ZNF366: variants seen among roughly 807,000 people sequenced by gnomAD.
The protein encoded by ZNF366 is dendritic cell-specific transcript protein.
Under a neutral mutation model 47.2 loss-of-function variants are expected in ZNF366, and 20 were observed. That is an observed-to-expected ratio of 0.42 (90% CI 0.30 to 0.62). The LOEUF is 0.62. Among genes scored for constraint, ZNF366 ranks in the 20% least tolerant of loss-of-function variants. The pLI, the probability that ZNF366 is intolerant of heterozygous loss-of-function variation, is 0.16. For synonymous variants in ZNF366, 421 were observed against 395.1 expected, an observed-to-expected ratio of 1.07 and a Z score of -0.78; for missense variants, 987 against 976.3, an observed-to-expected ratio of 1.01 and a Z score of -0.15.
chr5:72,444,140 G>T lies in ZNF366; in HGVS notation c.1851C>A (p.His617Gln), dbSNP rs753670386. 1 of 1,613,738 alleles carries T rather than the reference G, an allele frequency of 6.2e-7. No individual in the cohort carries two copies. The highest frequency in any genetic ancestry group is 8.5e-7 in the Non-Finnish European group (1 of 1,180,032). Reference sequence around the variant, plus strand: ...AGCAGTTATCCTCCTCTTCCTCCTCGTGGCAGTGGCTGCCCTGGGCACTCT... The same window carrying T: ...AGCAGTTATCCTCCTCTTCCTCCTCTTGGCAGTGGCTGCCCTGGGCACTCT... ...DGESAQGSHC[H>Q]EEEEEDNCYE... is the part of the protein sequence containing the mutation. The change falls in exon 5 of 5, where the codon CAC becomes CAA. Residue 617 changes from histidine to glutamine, a missense_variant. By Grantham distance (24) the His-to-Gln change is conservative (BLOSUM62 0). Transcript: ENST00000318442.
chr5:72,450,673 C>T (rs1743048714), intron 3 of ZNF366, among the ~76,000 whole-genome samples: 2 of 152,214 alleles, frequency 1.3e-5, no homozygotes, highest in African/African-American at 2.4e-5. Context: ...GGGCTCCATT[C>T]ACACCTGGGC....
At chr5:72,452,365 G>T (rs1031228023) in intron 3 of ZNF366, among the ~76,000 whole-genome samples, 7 of 152,196 alleles carry the variant, frequency 4.6e-5, no homozygotes, top group African/African-American at 1.7e-4. Context: ...ATTTGCAGGC[G>T]GTCCCCTGGG....
intron 2 of ZNF366, among the ~76,000 whole-genome samples, chr5:72,457,965 T>C (rs1252898271): frequency 1.3e-5 from 2 of 151,848 alleles, no homozygotes; most frequent in African/African-American, 4.8e-5. Flanking sequence ...ATAAAATTAA[T>C]GAAAAACATT....
intron 1 of ZNF366, among the ~76,000 whole-genome samples, chr5:72,483,085 G>C (rs1006668175): frequency 6.6e-6 from 1 of 152,134 alleles, no homozygotes; most frequent in African/African-American, 2.4e-5. Flanking sequence ...GTAAAAATGA[G>C]TGCCTGCTGT....
chr5:72,484,490 A>AAT (rs1489090254), intron 1 of ZNF366, among the ~76,000 whole-genome samples: 1 of 149,946 alleles, frequency 6.7e-6, no homozygotes, highest in Non-Finnish European at 1.5e-5. Context: ...TCTCAAAAAA[A>AAT]AAAAAAATAA....
chr5:72,452,180 C>T (rs553464334), intron 3 of ZNF366, among the ~76,000 whole-genome samples: 2 of 152,306 alleles, frequency 1.3e-5, no homozygotes, highest in East Asian at 1.9e-4. Context: ...GAATGGCCTC[C>T]GTGAAACTGC....
chr5:72,473,635 G>A (rs1314283496), intron 1 of ZNF366, among the ~76,000 whole-genome samples: 1 of 152,102 alleles, frequency 6.6e-6, no homozygotes, highest in Admixed American at 6.6e-5. Context: ...ATTCTTCCCG[G>A]CTGAACTTAA....
intron 1 of ZNF366, among the ~76,000 whole-genome samples, chr5:72,505,153 C>T (rs1744295348): frequency 1.3e-5 from 2 of 152,204 alleles, no homozygotes; most frequent in Admixed American, 1.3e-4. Context: ...TCACTTCAAA[C>T]TGGAATTCCC....
Position 72,507,345 on chromosome 5 carries a change from T to C in ZNF366, c.-109A>G. ...TCCCTCTCTCTCTCCCTCTTTCTCT[T>C]GTGTACAGATTGCAGGGAACTTAAA... On this transcript the variant is annotated 5_prime_UTR_variant, in exon 1 of 5. Transcript: ENST00000318442. The C allele has an allele frequency of 1.0e-6, 1 of 985,480 alleles. No homozygotes were observed. The highest frequency in any genetic ancestry group is 1.2e-6 in the Non-Finnish European group (1 of 830,024). 61.0% of individuals were successfully genotyped at this position (985,480 alleles called of 1,614,324 possible). A position where few individuals can be genotyped will look rare whatever the true frequency, so the allele number is the denominator to read the frequency against.
At chr5:72,451,584 T>C (rs370298557) in intron 3 of ZNF366, among the ~76,000 whole-genome samples, 8 of 152,344 alleles carry the variant, frequency 5.3e-5, no homozygotes, top group African/African-American at 1.7e-4. Flanking sequence ...ATTAGCTCTT[T>C]TTACTATCAT....
chr5:72,456,334 G>C (rs1305042512), intron 3 of ZNF366, 70 bp downstream of exon 3: 2 of 1,512,154 alleles, frequency 1.3e-6, no homozygotes, highest in African/African-American at 1.4e-5. Flanking sequence ...AGAGTAGAAG[G>C]CTCCCTGGGG....
Position 72,444,228 on chromosome 5 carries a change from T to C in ZNF366, c.1763A>G (p.Glu588Gly). Residue 588 changes from glutamate (E) to glycine (G), a missense_variant, in exon 5 of 5, where the codon GAG becomes GGG. By Grantham distance (98) the Glu-to-Gly change is moderately conservative. This residue lies in a region of ZNF366 where 285 missense variants were observed against 234.8 expected (regional missense o/e 1.21). Coordinates refer to ENST00000318442, the MANE Select transcript of ZNF366 (RefSeq NM_152625.3). ...TAGVLRSLEQ[E>G]EPFDLSQKRR... Reference sequence around the variant, plus strand: ...CTTCTGAGAGAGGTCAAAGGGCTCCTCCTGCTCCAGACTCCTCAGGACACC... The same window carrying C: ...CTTCTGAGAGAGGTCAAAGGGCTCCCCCTGCTCCAGACTCCTCAGGACACC... 6.2e-7 allele frequency: 1 copy of C among 1,613,522 alleles called. No individual in the cohort carries two copies. Among genetic ancestry groups the C allele is most frequent in the East Asian group, 2.2e-5 (1 of 44,884 alleles).
chr5:72,462,491 C>G (rs1238308189), intron 1 of ZNF366, among the ~76,000 whole-genome samples: 1 of 147,402 alleles, frequency 6.8e-6, no homozygotes, highest in African/African-American at 2.5e-5. Flanking sequence ...CAGTGTTTTT[C>G]ACGTCTCCTT....
intron 3 of ZNF366, among the ~76,000 whole-genome samples, chr5:72,448,229 T>C (rs571618722): frequency 9.5e-5 from 13 of 137,364 alleles, no homozygotes; most frequent in Admixed American, 9.0e-4. Flanking sequence ...GGGTAGAAAT[T>C]TGAAGTAGTG....
Position 72,461,449 on chromosome 5 carries a change from G to T in ZNF366, c.48C>A (p.Asp16Glu). 1 of 1,596,822 alleles carries T rather than the reference G, an allele frequency of 6.3e-7. No homozygotes were observed. The highest frequency in any genetic ancestry group is 8.6e-7 in the Non-Finnish European group (1 of 1,168,492). ...KMIKDEDVHF[D>E]LAVKKTPSFP... Reference sequence around the variant, plus strand: ...AGGAGGGGGTCTTCTTCACAGCCAAGTCGAAATGCACATCCTCGTCTTTGA... The same window carrying T: ...AGGAGGGGGTCTTCTTCACAGCCAATTCGAAATGCACATCCTCGTCTTTGA... Residue 16 changes from aspartate to glutamate, a missense_variant, in exon 2 of 5, where the codon GAC becomes GAA. Around this residue, in one of 3 missense-constraint regions of ZNF366, gnomAD observed 591 missense variants for 560.9 expected, o/e 1.05. Coordinates refer to ENST00000318442, the MANE Select transcript of ZNF366 (RefSeq NM_152625.3).
Position 72,460,516 on chromosome 5 carries a change from G to A in ZNF366, c.981C>T (p.His327=), listed in dbSNP as rs770722548. The A allele has an allele frequency of 1.1e-5, 18 of 1,614,114 alleles. No homozygotes were observed. In the South Asian group the frequency reaches 2.0e-4, roughly 18 times the overall value. The change falls in exon 2 of 5, where the codon CAC becomes CAT. Residue 327 remains histidine, a synonymous_variant. Transcript: ENST00000318442. ...GCTTCACCTCGCTGTGCTGCATCAT[G>A]TGGCGCTTCAGGTGGCTGGTCTGGG... ...AFTQTSHLKR[H]MMQHSEVKPH...
At chr5:72,492,457 C>T (rs1744031895) in intron 1 of ZNF366, among the ~76,000 whole-genome samples, 1 of 152,112 alleles carries the variant, frequency 6.6e-6, no homozygotes. Context: ...TGCGAAATAC[C>T]TTTGTTAAAC....
At chr5:72,498,679 C>T (rs1413182980) in intron 1 of ZNF366, among the ~76,000 whole-genome samples, 1 of 152,204 alleles carries the variant, frequency 6.6e-6, no homozygotes, top group African/African-American at 2.4e-5. Flanking sequence ...ACATCAGATA[C>T]TACATTCTTG....
chr5:72,457,310 T>A (rs1743212077), intron 2 of ZNF366, among the ~76,000 whole-genome samples: 1 of 152,164 alleles, frequency 6.6e-6, no homozygotes. Context: ...CCAAGGCCCT[T>A]AATTGAGAGC....
Sources: gnomAD v4.1 joint callset for allele counts (sites outside exome capture counted in the v4.1 genomes callset) on GRCh38, gnomAD v4.1.1 for gene constraint, gnomAD v4.1.1 regional missense constraint, MANE v1.5 for transcripts, NCBI Gene and HGNC (gene_info 2026-07-23, HGNC 2026-07-21) for gene names.